The following GADL1 variants were observed in gnomAD, a reference collection of about 807,000 sequenced individuals.
GADL1 encodes the protein GAD like acidic amino acid decarboxylase 1, also known as acidic amino acid decarboxylase GADL1.
A neutral mutation model predicts 69.5 loss-of-function variants in GADL1; 71 were observed. The observed-to-expected ratio is 1.02, with a 90% CI of 0.84 to 1.25. GADL1 has a LOEUF of 1.25. Ranked by LOEUF, GADL1 falls within the 50% of genes most tolerant of loss-of-function variation. The probability of loss-of-function intolerance (pLI) is 0.00; values close to 1 mark genes in which losing one functional copy is unlikely to be tolerated. For synonymous variants in GADL1, 254 were observed against 214.4 expected (o/e 1.18, Z -1.62); for missense variants, 737 against 631.8 (o/e 1.17, Z -1.79).
chr3:30,739,365 CCCCACCTGCCTGTG>C (rs1695584110), intron 14 of GADL1, among the ~76,000 whole-genome samples: 3 of 152,192 alleles, frequency 2.0e-5, no homozygotes, highest in Admixed American at 1.3e-4. Flanking sequence ...ATCTACCTGC[CCCCACCTGCCTGTG>C]CCCACCTGCC....
chr3:30,791,328 A>G (rs1575207126), intron 12 of GADL1, among the ~76,000 whole-genome samples: 2 of 152,280 alleles, frequency 1.3e-5, no homozygotes, highest in East Asian at 1.9e-4. Context: ...AACTGAGCCT[A>G]TGAAGAAAGC....
intron 14 of GADL1, among the ~76,000 whole-genome samples, chr3:30,752,414 T>C (rs763783403): frequency 1.3e-5 from 2 of 151,938 alleles, no homozygotes; most frequent in Non-Finnish European, 2.9e-5. Context: ...TGAAAGAGGA[T>C]GGGAGTAACA....
rs34788058 is a variant in GADL1 at position 30,805,734 on chromosome 3, C to CTTTTTTTT, written c.1051-4654_1051-4647dup. ...ATTCTGTGCACCAGCAGTCCCCAGC[C>CTTTTTTTT]TTTTTTTTTTTTTTTTTTTTTTTTG... On this transcript the variant is annotated intron_variant, in intron 11 of 14. Coordinates refer to ENST00000282538, the MANE Select transcript of GADL1 (RefSeq NM_207359.3). Among the ~76,000 whole-genome samples, 46 of 66,094 alleles carry CTTTTTTTT rather than the reference C, an allele frequency of 7.0e-4. 3 individuals carry two copies. The highest frequency in any genetic ancestry group is 3.5e-3 in the African/African-American group (42 of 11,838). 43.4% of individuals were successfully genotyped at this position (66,094 alleles called of 152,430 possible).
At chr3:30,748,221 T>C (rs981106110) in intron 14 of GADL1, among the ~76,000 whole-genome samples, 1 of 152,198 alleles carries the variant, frequency 6.6e-6, no homozygotes. Flanking sequence ...AGGAAGCGCA[T>C]GGACGTAGAA....
rs60283911 is a variant in GADL1 at position 30,741,190 on chromosome 3, ATG to A, written c.1393-12777_1393-12776del. Among the ~76,000 whole-genome samples, 843 of 132,486 alleles carry A rather than the reference ATG, an allele frequency of 6.4e-3. 10 individuals carry two copies. The highest frequency in any genetic ancestry group is 0.049 in the South Asian group (210 of 4,326). 86.9% of individuals were successfully genotyped at this position (132,486 alleles called of 152,430 possible). A position where few individuals can be genotyped will look rare whatever the true frequency, so the allele number is the denominator to read the frequency against. Reference sequence around the variant, plus strand: ...TAAATATTATATATATTATATAATTATGTGTGTGTGTGTGTGTGTGTGTGTGT... The same window carrying A: ...TAAATATTATATATATTATATAATTATGTGTGTGTGTGTGTGTGTGTGTGT... On this transcript the variant is annotated intron_variant, in intron 14 of 14. Coordinates refer to ENST00000282538, the MANE Select transcript of GADL1 (RefSeq NM_207359.3).
intron 13 of GADL1, chr3:30,778,625 A>AT (rs1696592047): frequency 5.9e-6 from 1 of 170,724 alleles, no homozygotes; most frequent in Non-Finnish European, 1.3e-5. Context: ...TCCTTAAGTT[A>AT]TTTGCTATAC....
Position 30,803,394 on chromosome 3 carries a change from C to T in GADL1, c.1051-2306G>A, listed in dbSNP as rs575663374. On this transcript the variant is annotated intron_variant, in intron 11 of 14. Coordinates refer to ENST00000282538, the MANE Select transcript of GADL1 (RefSeq NM_207359.3). ...AGGACAAATCATGCACACATGTTCA[C>T]GACACAGGCACACACACTTGCATTA... 1.1e-4 allele frequency among the ~76,000 whole-genome samples: 16 copies of T among 152,014 alleles called. 1 individual carries two copies. The highest frequency in any genetic ancestry group is 3.4e-3 in the Middle Eastern group (1 of 294).
intron 11 of GADL1, among the ~76,000 whole-genome samples, chr3:30,832,762 T>C (rs571075269): frequency 6.6e-6 from 1 of 152,176 alleles, no homozygotes; most frequent in African/African-American, 2.4e-5. Context: ...TAGTTACAAA[T>C]AGTCATACCA....
chr3:30,839,332 T>C (rs1215767122), intron 8 of GADL1, among the ~76,000 whole-genome samples: 2 of 152,058 alleles, frequency 1.3e-5, no homozygotes, highest in Non-Finnish European at 2.9e-5. Flanking sequence ...TAGCATTTTC[T>C]GTCCCAACTC....
chr3:30,757,207 A>AGG (rs1187312020), intron 14 of GADL1, among the ~76,000 whole-genome samples: 3 of 152,128 alleles, frequency 2.0e-5, no homozygotes, highest in African/African-American at 4.8e-5. Flanking sequence ...GGCCTCCTGG[A>AGG]CCTTCATCAA....
intron 11 of GADL1, among the ~76,000 whole-genome samples, chr3:30,803,226 G>T (rs964555500): frequency 6.6e-6 from 1 of 152,152 alleles, no homozygotes; most frequent in Admixed American, 6.5e-5. Flanking sequence ...TTAAGTCTTA[G>T]ATTTTATCAT....
chr3:30,762,639 T>G (rs1216711190), intron 14 of GADL1, among the ~76,000 whole-genome samples: 1 of 152,144 alleles, frequency 6.6e-6, no homozygotes, highest in Non-Finnish European at 1.5e-5. Context: ...CCACACTTTT[T>G]AAGTTATTTA....
intron 14 of GADL1, among the ~76,000 whole-genome samples, chr3:30,733,635 T>TCCTC (rs1226882066): frequency 1.4e-5 from 2 of 144,160 alleles, no homozygotes; most frequent in East Asian, 4.1e-4. Flanking sequence ...CTTCCTTCCT[T>TCCTC]CCTCCTTCCC....
rs115859615 is a variant in GADL1, at chr3:30,800,779, T to A, written c.1250+110A>T. On this transcript the variant is annotated intron_variant, in intron 12 of 14. Coordinates refer to ENST00000282538, the MANE Select transcript of GADL1 (RefSeq NM_207359.3). Reference sequence around the variant, plus strand: ...AACACATTTCAAGTATTACTTTCCTTAGGTCTTCCTATTACAGACACAGAT... The same window carrying A: ...AACACATTTCAAGTATTACTTTCCTAAGGTCTTCCTATTACAGACACAGAT... The A allele has an allele frequency of 2.7e-3, 2,306 of 862,178 alleles. 38 individuals are homozygous for A. In the African/African-American group the frequency reaches 0.035, roughly 13 times the overall value. 53.4% of individuals were successfully genotyped at this position (862,178 alleles called of 1,614,324 possible).
rs149521689 is a variant in GADL1 at position 30,893,549 on chromosome 3, G to A, written c.37+1029C>T. 1.3e-3 allele frequency among the ~76,000 whole-genome samples: 200 copies of A among 151,948 alleles called. 4 individuals are homozygous for A. The East Asian group carries it at 0.024, about 18-fold the overall frequency. On this transcript the variant is annotated intron_variant, in intron 1 of 14. Coordinates refer to ENST00000282538, the MANE Select transcript of GADL1 (RefSeq NM_207359.3). ...CAGCCCTCTCCGCTCCCCAGCCTCT[G>A]GTAACCACTATTCTAACTTTCTACT...
At chr3:30,815,924 G>C (rs1185135515) in intron 11 of GADL1, among the ~76,000 whole-genome samples, 2 of 152,104 alleles carry the variant, frequency 1.3e-5, no homozygotes, top group Non-Finnish European at 2.9e-5. Flanking sequence ...CATCCTTTAT[G>C]AGCTTCATGG....
chr3:30,771,779 T>C (rs1696425054), intron 14 of GADL1, among the ~76,000 whole-genome samples: 1 of 152,216 alleles, frequency 6.6e-6, no homozygotes. Flanking sequence ...ATCAGAGTTC[T>C]GAAAAATACA....
intron 12 of GADL1, among the ~76,000 whole-genome samples, chr3:30,795,270 G>C (rs879079338): frequency 2.0e-5 from 3 of 152,132 alleles, no homozygotes; most frequent in Admixed American, 2.0e-4. Context: ...CCTGTCGGTG[G>C]TTTGAACAGA....
At chr3:30,804,786 T>C (rs182419150) in intron 11 of GADL1, among the ~76,000 whole-genome samples, 104 of 152,322 alleles carry the variant, frequency 6.8e-4, no homozygotes, top group Admixed American at 2.3e-3. Flanking sequence ...CAAAGTCTGT[T>C]TTTACTACTT....
Sources: allele counts gnomAD v4.1 joint callset (sites outside exome capture counted in the v4.1 genomes callset), GRCh38; gene constraint gnomAD v4.1.1; transcripts MANE v1.5; gene names NCBI Gene and HGNC (gene_info 2026-07-23, HGNC 2026-07-21).